Variants in ESRRB observed in about 807,000 individuals in gnomAD.
The protein encoded by ESRRB is estrogen related receptor beta.
Under a neutral mutation model 46.0 loss-of-function variants are expected in ESRRB, and 16 were observed. The ratio of observed to expected loss-of-function variants is 0.35; its 90% CI spans 0.24 to 0.53. The LOEUF (loss-of-function observed/expected upper bound fraction) is 0.53. Among genes scored for constraint, ESRRB ranks in the 20% least tolerant of loss-of-function variants. ESRRB has a pLI of 0.93. For synonymous variants in ESRRB, 246 were observed against 259.6 expected, an observed-to-expected ratio of 0.95 and a Z score of 0.50; for missense variants, 488 against 607.4, an observed-to-expected ratio of 0.80 and a Z score of 2.07.
At chr14:76,339,988 T>C (rs997549877) in intron 1 of ESRRB, among the ~76,000 whole-genome samples, 1 of 152,092 alleles carries the variant, frequency 6.6e-6, no homozygotes, top group African/African-American at 2.4e-5. Context: ...CAATCAGGAC[T>C]TTAATTAGAC....
chr14:76,468,044 G>A (rs956968912), intron 3 of ESRRB, among the ~76,000 whole-genome samples: 2 of 152,142 alleles, frequency 1.3e-5, no homozygotes, highest in African/African-American at 4.8e-5. Context: ...GAAGGTGGAG[G>A]GCTCCTCCGG....
chr14:76,367,841 C>G (rs1284419373), upstream of ESRRB, among the ~76,000 whole-genome samples: 1 of 152,136 alleles, frequency 6.6e-6, no homozygotes, highest in East Asian at 1.9e-4. Context: ...ACCCATCCCT[C>G]CTTGTCCCAT....
At chr14:76,410,439 G>A (rs901332284) in intron 1 of ESRRB, among the ~76,000 whole-genome samples, 6 of 152,160 alleles carry the variant, frequency 3.9e-5, no homozygotes, top group Admixed American at 2.0e-4. Flanking sequence ...CCTAAAAGTA[G>A]CCACAGTTAC....
At chr14:76,467,225 G>A (rs11846642) in intron 3 of ESRRB, among the ~76,000 whole-genome samples, 9 of 151,996 alleles carry the variant, frequency 5.9e-5, no homozygotes, top group African/African-American at 2.2e-4. Flanking sequence ...TTCAGGCTGG[G>A]TGCGGTGGCT....
chr14:76,402,599 G>T (rs903640757), intron 1 of ESRRB, among the ~76,000 whole-genome samples: 5 of 152,208 alleles, frequency 3.3e-5, no homozygotes, highest in African/African-American at 1.2e-4. Context: ...GTCCATGACT[G>T]GGGCTGTGGT....
At chr14:76,467,971 G>T (rs34961238) in intron 3 of ESRRB, among the ~76,000 whole-genome samples, 28,533 of 152,082 alleles carry the variant, frequency 0.19, 3,403 homozygotes, top group Middle Eastern at 0.29. Context: ...AAAGATATTT[G>T]ATTTCAGTGA....
At chr14:76,368,622 A>G (rs183650884), upstream of ESRRB, among the ~76,000 whole-genome samples, 8 of 152,248 alleles carry the variant, frequency 5.3e-5, no homozygotes, top group East Asian at 1.5e-3. Context: ...ATTCCTCTGT[A>G]GTTTCCCTTG....
chr14:76,401,029 G>A (rs1201121287), intron 1 of ESRRB, among the ~76,000 whole-genome samples: 4 of 152,278 alleles, frequency 2.6e-5, no homozygotes, highest in East Asian at 1.9e-4. Flanking sequence ...TCCTTTTGCC[G>A]TTTTACCCCG....
Position 76,501,066 on chromosome 14 carries a change from G to T in ESRRB, c.*2608G>T, listed in dbSNP as rs1434104056. On this transcript the variant is annotated 3_prime_UTR_variant, in exon 7 of 7. Coordinates refer to ENST00000644823, the MANE Select transcript of ESRRB (RefSeq NM_001379180.1). ...GAGAGGACTGACTTAGTGGAAGGTG[G>T]TGAAGTGAGGAGAGTTTAGGGGAAC... is the stretch of plus-strand genomic sequence containing the variant. 2.6e-6 allele frequency: 1 copy of T among 382,318 alleles called. No homozygotes were observed. The highest frequency in any genetic ancestry group is 4.8e-6 in the Non-Finnish European group (1 of 206,730). The allele number at this position is 382,318 out of a possible 1,614,324, so 23.7% of individuals were successfully genotyped here.
rs1394387630 is a variant in ESRRB, at chr14:76,482,578, TC to T, written c.689-17del. On this transcript the variant is annotated intron_variant, in intron 4 of 6. Transcript: ENST00000644823. The surrounding 1 kb of genome is among the most constrained non-coding windows in gnomAD (Gnocchi z 4.3). ...TTCCTCTTTTCCCAGCATTTACCTT[TC>T]CCTCTTTGGTTGTTGCAGTGACCAA... 1.2e-6 allele frequency: 2 copies of T among 1,614,100 alleles called. No homozygotes were observed. Among genetic ancestry groups the T allele is most frequent in the Non-Finnish European group, 1.7e-6 (2 of 1,179,976 alleles).
intron 6 of ESRRB, among the ~76,000 whole-genome samples, chr14:76,497,335 T>C (rs1342105947): frequency 6.6e-6 from 1 of 152,124 alleles, no homozygotes; most frequent in Non-Finnish European, 1.5e-5. Flanking sequence ...TACCTGACAT[T>C]GACCAGGTGC....
chr14:76,465,599 A>G (rs1889073162), intron 3 of ESRRB, among the ~76,000 whole-genome samples: 2 of 152,022 alleles, frequency 1.3e-5, no homozygotes, highest in East Asian at 3.9e-4. Flanking sequence ...TCAAGTGGGG[A>G]GGATGTTCAG....
chr14:76,405,602 G>A (rs920306683), intron 1 of ESRRB, among the ~76,000 whole-genome samples: 1 of 152,058 alleles, frequency 6.6e-6, no homozygotes, highest in Admixed American at 6.6e-5. Context: ...ATGGACAAAG[G>A]AAAAGACAGA....
At chr14:76,339,530 T>G (rs373611109) in intron 1 of ESRRB, among the ~76,000 whole-genome samples, 3 of 152,340 alleles carry the variant, frequency 2.0e-5, no homozygotes, top group African/African-American at 7.2e-5. Context: ...CACCCAGCTT[T>G]AGGCTGCTTA....
chr14:76,316,483 C>T (rs200926546), intron 1 of ESRRB, among the ~76,000 whole-genome samples: 1 of 151,694 alleles, frequency 6.6e-6, no homozygotes, highest in African/African-American at 2.4e-5. Context: ...CTTTTTGCCT[C>T]ATTATTCACC....
At chr14:76,329,272 T>A (rs2139734828) in intron 1 of ESRRB, among the ~76,000 whole-genome samples, 1 of 152,040 alleles carries the variant, frequency 6.6e-6, no homozygotes, top group African/African-American at 2.4e-5. Flanking sequence ...ATCGAGTCAA[T>A]CTCAGGTTTA....
chr14:76,466,857 G>A (rs1889135274), intron 3 of ESRRB, among the ~76,000 whole-genome samples: 1 of 152,040 alleles, frequency 6.6e-6, no homozygotes, highest in Non-Finnish European at 1.5e-5. Flanking sequence ...CTGGGTAGCT[G>A]AGACTACAAG....
At chr14:76,431,751 T>A (rs1887456449) in intron 1 of ESRRB, among the ~76,000 whole-genome samples, 1 of 152,148 alleles carries the variant, frequency 6.6e-6, no homozygotes, top group East Asian at 1.9e-4. Context: ...TGGATGGGCG[T>A]CTGTTCCCTC....
chr14:76,412,257 G>A (rs1886475329), intron 1 of ESRRB, among the ~76,000 whole-genome samples: 1 of 152,210 alleles, frequency 6.6e-6, no homozygotes, highest in South Asian at 2.1e-4. Flanking sequence ...CAGGGTTTGG[G>A]GCATGCTCCT....
Sources: gnomAD v4.1 joint callset for allele counts (sites outside exome capture counted in the v4.1 genomes callset) on GRCh38, gnomAD v4.1.1 for gene constraint, Gnocchi (gnomAD v3.1) non-coding constraint, MANE v1.5 for transcripts, NCBI Gene and HGNC (gene_info 2026-07-23, HGNC 2026-07-21) for gene names.